Variants in DHRS7B observed in about 807,000 individuals in gnomAD.
DHRS7B encodes the protein dehydrogenase/reductase 7B.
A neutral mutation model predicts 26.4 loss-of-function variants in DHRS7B; 24 were observed. The ratio of observed to expected loss-of-function variants is 0.91; its 90% CI spans 0.66 to 1.28. The LOEUF is 1.28. DHRS7B is among the 50% of genes most tolerant of loss of function. The pLI is 0.00. For synonymous variants in DHRS7B, 142 were observed against 166.4 expected (o/e 0.85, Z 1.13); for missense variants, 368 against 419.4 (o/e 0.88, Z 1.07).
At chr17:21,148,018 C>G (rs1973679460) in intron 1 of DHRS7B, among the ~76,000 whole-genome samples, 3 of 151,920 alleles carry the variant, frequency 2.0e-5, no homozygotes, top group Admixed American at 6.6e-5. Context: ...GAGTTTGAGA[C>G]CAGCCTAGGT....
intron 1 of DHRS7B, among the ~76,000 whole-genome samples, chr17:21,148,571 C>G (rs1214711087): frequency 8.6e-5 from 13 of 152,040 alleles, no homozygotes; most frequent in Non-Finnish European, 4.4e-5. Context: ...TGGTGAAACC[C>G]CATTTCTACC....
chr17:21,138,668 CTT>C (rs1451300091), intron 1 of DHRS7B, among the ~76,000 whole-genome samples: 2 of 152,114 alleles, frequency 1.3e-5, no homozygotes, highest in South Asian at 2.1e-4. Flanking sequence ...CTTTACATCT[CTT>C]TTTATTTTCT....
chr17:21,142,307 AAT>A (rs1973535159), intron 1 of DHRS7B, among the ~76,000 whole-genome samples: 1 of 152,158 alleles, frequency 6.6e-6, no homozygotes. Context: ...CCGTGTCTGG[AAT>A]CTATAGATAA....
chr17:21,144,342 CAG>C (rs531518605), intron 1 of DHRS7B, among the ~76,000 whole-genome samples: 40 of 152,254 alleles, frequency 2.6e-4, no homozygotes, highest in South Asian at 1.2e-3. Flanking sequence ...CCAAATCAAA[CAG>C]AGGAAGTAAA....
chr17:21,151,752 C>T (rs1258857625), intron 1 of DHRS7B, among the ~76,000 whole-genome samples: 1 of 152,132 alleles, frequency 6.6e-6, no homozygotes, highest in African/African-American at 2.4e-5. Flanking sequence ...GCTGGAGACT[C>T]AGTGTGGACA....
At chr17:21,188,913 A>G (rs756767266) in intron 6 of DHRS7B, 50 bp downstream of exon 6, 2 of 1,606,020 alleles carry the variant, frequency 1.2e-6, no homozygotes, top group Non-Finnish European at 1.7e-6. Context: ...GGTCAGCCAC[A>G]GTGAGACATG....
intron 2 of DHRS7B, 109 bp from the exon 3 acceptor site, chr17:21,178,124 C>A: frequency 9.5e-7 from 1 of 1,054,390 alleles, no homozygotes; most frequent in Non-Finnish European, 1.4e-6. Flanking sequence ...CAGCAGGGGC[C>A]AACACAGACC....
chr17:21,180,370 G>T lies in DHRS7B; in HGVS notation c.309+2028G>T, dbSNP rs1033755704. Among the ~76,000 whole-genome samples, 15 of 152,082 alleles carry T rather than the reference G, an allele frequency of 9.9e-5. 1 individual carries two copies. Among genetic ancestry groups the T allele is most frequent in the Admixed American group, 6.5e-5 (1 of 15,268 alleles). ...TTACAGGTGTTAGCCACCACGCCTG[G>T]CCAAGTTTTATAATTTTAAATCTTA... On this transcript the variant is annotated intron_variant, in intron 3 of 6. Coordinates refer to ENST00000395511, the MANE Select transcript of DHRS7B (RefSeq NM_015510.5).
At chr17:21,145,319 G>T (rs1025728847) in intron 1 of DHRS7B, among the ~76,000 whole-genome samples, 1 of 150,604 alleles carries the variant, frequency 6.6e-6, no homozygotes, top group Non-Finnish European at 1.5e-5. Context: ...GCGAGACGCC[G>T]TCTAAAAAAA....
intron 5 of DHRS7B, among the ~76,000 whole-genome samples, chr17:21,186,395 A>C (rs1223954549): frequency 1.3e-5 from 2 of 152,166 alleles, no homozygotes; most frequent in African/African-American, 4.8e-5. Flanking sequence ...TTGGGGACTT[A>C]CATGATAACC....
chr17:21,152,356 C>T (rs1320149028), intron 1 of DHRS7B, among the ~76,000 whole-genome samples: 1 of 152,096 alleles, frequency 6.6e-6, no homozygotes, highest in African/African-American at 2.4e-5. Flanking sequence ...GATTTCACCA[C>T]ATTGCCCAGG....
intron 1 of DHRS7B, chr17:21,171,709 C>A: frequency 2.1e-6 from 1 of 480,176 alleles, no homozygotes; most frequent in Admixed American, 3.2e-5. Flanking sequence ...AGTACTGACA[C>A]ACCACCTCTT....
chr17:21,128,934 A>T (rs894049888), intron 1 of DHRS7B: 3 of 151,378 alleles, frequency 2.0e-5, no homozygotes, highest in African/African-American at 7.3e-5. Context: ...ACAACAACAA[A>T]CAACAACAAA....
chr17:21,154,193 C>T (rs967555567), intron 1 of DHRS7B, among the ~76,000 whole-genome samples: 1 of 151,936 alleles, frequency 6.6e-6, no homozygotes, highest in Non-Finnish European at 1.5e-5. Flanking sequence ...ACCTGTAATC[C>T]CAGCTACTCT....
intron 1 of DHRS7B, among the ~76,000 whole-genome samples, chr17:21,169,859 T>G (rs1974198580): frequency 6.6e-6 from 1 of 152,094 alleles, no homozygotes; most frequent in African/African-American, 2.4e-5. Context: ...TTCCCTGAGC[T>G]GAGGCCCCCA....
At chr17:21,141,621 A>AC (rs1485377848) in intron 1 of DHRS7B, among the ~76,000 whole-genome samples, 1 of 132,782 alleles carries the variant, frequency 7.5e-6, no homozygotes, top group South Asian at 2.6e-4. Flanking sequence ...CAAGAAAGCA[A>AC]AAAAAAAAAA....
Position 21,172,091 on chromosome 17 carries a change from C to T in DHRS7B, c.94C>T (p.Leu32=), listed in dbSNP as rs1974263178. 6.2e-7 allele frequency: 1 copy of T among 1,614,200 alleles called. No homozygotes were observed. The highest frequency in any genetic ancestry group is 1.1e-5 in the South Asian group (1 of 91,082). ...CATCCTGCCCCTGCTGTTCGGCTGC[C>T]TGGGCGTCTTCGGCCTCTTCCGGCT... is the stretch of plus-strand genomic sequence containing the variant. ...TAILPLLFGC[L]GVFGLFRLLQ... Residue 32 remains leucine, a synonymous_variant, in exon 2 of 7, where the codon CTG becomes TTG. Transcript: ENST00000395511.
intron 1 of DHRS7B, among the ~76,000 whole-genome samples, chr17:21,170,148 A>C (rs897860199): frequency 6.6e-6 from 1 of 152,156 alleles, no homozygotes; most frequent in African/African-American, 2.4e-5. Context: ...ATATCAACAA[A>C]ATGGCAACCA....
chr17:21,166,926 G>A (rs1974127416), intron 1 of DHRS7B, among the ~76,000 whole-genome samples: 1 of 152,044 alleles, frequency 6.6e-6, no homozygotes, highest in South Asian at 2.1e-4. Context: ...CCCCTCCTTT[G>A]ATTCTCAGAT....
Sources: allele counts gnomAD v4.1 joint callset (sites outside exome capture counted in the v4.1 genomes callset), GRCh38; gene constraint gnomAD v4.1.1; transcripts MANE v1.5; gene names NCBI Gene and HGNC (gene_info 2026-07-23, HGNC 2026-07-21).